SHC1: variants seen among roughly 807,000 people sequenced by gnomAD.
SHC1 encodes SHC-transforming protein 1.
In SHC1, 30 loss-of-function variants were observed where a neutral mutation model predicts 55.9. That is an observed-to-expected ratio of 0.54 (90% CI 0.40 to 0.73). SHC1 has a LOEUF of 0.73. Ranked by LOEUF, SHC1 falls within the 30% of genes least tolerant of loss-of-function variation. SHC1 has a pLI of 0.00. For missense variants in SHC1, 675 were observed against 777.1 expected (o/e 0.87, Z 1.56); for synonymous variants, 309 against 306.1 (o/e 1.01, Z -0.10).
intron 11 of SHC1, 89 bp downstream of exon 11, chr1:154,965,454 C>G: frequency 6.2e-7 from 1 of 1,613,254 alleles, no homozygotes; most frequent in Non-Finnish European, 8.5e-7. Flanking sequence ...GGAATGTCTA[C>G]AAAGCAATGA....
At position 154,965,730 on chromosome 1, in the gene SHC1, A is replaced by G; in HGVS notation, c.1439T>C (p.Met480Thr). 6.2e-7 allele frequency: 1 copy of G among 1,614,166 alleles called. No individual in the cohort carries two copies. Among genetic ancestry groups the G allele is most frequent in the Non-Finnish European group, 8.5e-7 (1 of 1,180,020 alleles). ...GGGCTCCCCTCGGAGCTGCTCAGCC[A>G]TGGACACCGACTGGGGAGGTGGAGG... ...RVPPPPQSVSMAEQLRGEPWF... is the reference protein window; with the variant it reads ...RVPPPPQSVSTAEQLRGEPWF... Residue 480 changes from methionine (M) to threonine (T), a missense_variant, in exon 11 of 12, where the codon ATG (methionine) becomes ACG (threonine). Coordinates refer to ENST00000448116, the MANE Select transcript of SHC1 (RefSeq NM_001130040.2).
chr1:154,974,076 A>C (rs1657018338), upstream of SHC1, among the ~76,000 whole-genome samples: 2 of 152,082 alleles, frequency 1.3e-5, no homozygotes, highest in African/African-American at 4.8e-5. Flanking sequence ...GGAGACAAAA[A>C]ATAAAAATCA....
At position 154,964,356 on chromosome 1, in the gene SHC1, C is replaced by T. The variant is rs550644251; in HGVS notation, c.1627-425G>A. On this transcript the variant is annotated intron_variant, in intron 11 of 11. Transcript: ENST00000448116. ...TTCAAGAACAGCTTGGGCAACATGGCGAAACCCCATCTCTACCAAAAAAAA... is the reference window on the plus strand; with the variant it reads ...TTCAAGAACAGCTTGGGCAACATGGTGAAACCCCATCTCTACCAAAAAAAA... 38 of 444,152 alleles carry T rather than the reference C, an allele frequency of 8.6e-5. 1 individual carries two copies. Among genetic ancestry groups the T allele is most frequent in the South Asian group, 4.7e-4 (29 of 62,320 alleles). 27.5% of individuals were successfully genotyped at this position (444,152 alleles called of 1,614,324 possible). A position where few individuals can be genotyped will look rare whatever the true frequency, so the allele number is the denominator to read the frequency against.
At chr1:154,971,571 G>A (rs973003954), upstream of SHC1, among the ~76,000 whole-genome samples, 2 of 152,208 alleles carry the variant, frequency 1.3e-5, no homozygotes. Context: ...TCAAGGGTGA[G>A]AATGAGGCAA....
upstream of SHC1, among the ~76,000 whole-genome samples, chr1:154,972,836 G>A (rs1656871021): frequency 6.6e-6 from 1 of 152,024 alleles, no homozygotes; most frequent in Non-Finnish European, 1.5e-5. Flanking sequence ...GGGCAAACGG[G>A]GCCAGGAGGA....
intron 11 of SHC1, chr1:154,964,512 G>A: frequency 2.8e-6 from 1 of 355,590 alleles, no homozygotes; most frequent in Non-Finnish European, 5.5e-6. Context: ...TTTCCAGACA[G>A]GGTCTCTGTC....
upstream of SHC1, among the ~76,000 whole-genome samples, chr1:154,973,888 G>A (rs1248417158): frequency 6.6e-6 from 1 of 152,164 alleles, no homozygotes; most frequent in Non-Finnish European, 1.5e-5. Context: ...ATCGTTCTTT[G>A]AAGAGCAGGG....
intron 1 of SHC1, 94 bp downstream of exon 1, chr1:154,969,938 G>A: frequency 7.3e-7 from 1 of 1,367,992 alleles, no homozygotes; most frequent in East Asian, 2.3e-5. Context: ...GGTTGTTGGG[G>A]AACAGCAGGA....
In SHC1 at chr1:154,969,952, A is replaced by G. The variant is rs555848710; in HGVS notation, c.495+80T>C. The G allele has an allele frequency of 5.3e-5, 79 of 1,500,834 alleles. No individual in the cohort carries two copies. The African/African-American group carries it at 8.3e-4, about 16-fold the overall frequency. The allele number at this position is 1,500,834 out of a possible 1,614,324, so 93.0% of individuals were successfully genotyped here. A position where few individuals can be genotyped will look rare whatever the true frequency, so the allele number is the denominator to read the frequency against. On this transcript the variant is annotated intron_variant, in intron 1 of 11. Transcript: ENST00000448116. ...GGGTTGTTGGGGAACAGCAGGAAAAAAGAGATTCCGGCCAAGCTGGAGTGA... is the reference window on the plus strand; with the variant it reads ...GGGTTGTTGGGGAACAGCAGGAAAAGAGAGATTCCGGCCAAGCTGGAGTGA...
chr1:154,965,359 A>G, intron 11 of SHC1, 184 bp downstream of exon 11: 2 of 1,581,336 alleles, frequency 1.3e-6, no homozygotes, highest in Non-Finnish European at 1.7e-6. Flanking sequence ...TATAAAGAAC[A>G]TAGTTCAGGC....
At position 154,963,807 on chromosome 1, in the gene SHC1, A is replaced by G. The variant is rs1397734362; in HGVS notation, c.1751T>C (p.Leu584Pro). 6.2e-7 allele frequency: 1 copy of G among 1,613,734 alleles called. No homozygotes were observed. The highest frequency in any genetic ancestry group is 1.7e-5 in the Admixed American group (1 of 60,002). ...LCLQQPVERK[L>P] ...GGAAGAGAGCGCTAGGGCAGATCACAGTTTCCGCTCCACAGGTTGCTGTAG... is the reference window on the plus strand; with the variant it reads ...GGAAGAGAGCGCTAGGGCAGATCACGGTTTCCGCTCCACAGGTTGCTGTAG... The change falls in exon 12 of 12, where the codon CTG (leucine) becomes CCG (proline). Residue 584 changes from leucine (L) to proline (P), a missense_variant. Physicochemically the swap from Leu to Pro is moderately conservative, Grantham distance 98. This residue lies in a region of SHC1 where 360 missense variants were observed against 371.1 expected (regional missense o/e 0.97). Transcript: ENST00000448116.
chr1:154,970,598 G>T lies in SHC1; in HGVS notation c.-72C>A. On this transcript the variant is annotated 5_prime_UTR_variant, in exon 1 of 12. Transcript: ENST00000448116. The surrounding 1 kb of genome is among the most constrained non-coding windows in gnomAD (Gnocchi z 5.5). The stretch of plus-strand genomic sequence containing the variant: ...GTTTGGGCAAGGGGGCCAGGCAGGG[G>T]GTATCCCCAGGCCCTTAGCCTGGTT... 2 of 1,011,854 alleles carry T rather than the reference G, an allele frequency of 2.0e-6. No homozygotes were observed. Among genetic ancestry groups the T allele is most frequent in the Non-Finnish European group, 3.0e-6 (2 of 675,724 alleles). 62.7% of individuals were successfully genotyped at this position (1,011,854 alleles called of 1,614,324 possible). A position where few individuals can be genotyped will look rare whatever the true frequency, so the allele number is the denominator to read the frequency against.
At chr1:154,968,299 T>C (rs1656275522) in intron 4 of SHC1, 42 bp from the exon 5 acceptor site, 1 of 1,605,256 alleles carries the variant, frequency 6.2e-7, no homozygotes, top group East Asian at 2.2e-5. Flanking sequence ...GGGAATGCCA[T>C]GTGTCAGGCA....
chr1:154,972,487 T>C (rs1359134053), upstream of SHC1, among the ~76,000 whole-genome samples: 3 of 152,128 alleles, frequency 2.0e-5, no homozygotes, highest in East Asian at 5.8e-4. Flanking sequence ...CTCTCGGGCA[T>C]AGAGAGAATG....
At position 154,970,193 on chromosome 1, in the gene SHC1, T is replaced by C; in HGVS notation, c.334A>G (p.Asn112Asp). ...CGCCCGCCGCCTCCACTCAGCTTGTTCATGTCCTGGAGGAGGGGTAGGGGG... is the reference window on the plus strand; with the variant it reads ...CGCCCGCCGCCTCCACTCAGCTTGTCCATGTCCTGGAGGAGGGGTAGGGGG... ...SGPLPLLQDM[N>D]KLSGGGGRRT... The change falls in exon 1 of 12, where the codon AAC becomes GAC. Residue 112 changes from asparagine to aspartate, a missense_variant. Coordinates refer to ENST00000448116, the MANE Select transcript of SHC1 (RefSeq NM_001130040.2). This position sits in a 1 kb window ranked among gnomAD's most constrained non-coding sequence, Gnocchi z 5.5. 2 of 1,613,806 alleles carry C rather than the reference T, an allele frequency of 1.2e-6. No individual in the cohort carries two copies. Among genetic ancestry groups the C allele is most frequent in the South Asian group, 2.2e-5 (2 of 91,074 alleles).
At chr1:154,965,369 C>A in intron 11 of SHC1, 174 bp downstream of exon 11, 1 of 1,594,460 alleles carries the variant, frequency 6.3e-7, no homozygotes, top group Non-Finnish European at 8.5e-7. Context: ...ATAGTTCAGG[C>A]TAAGGGATGA....
chr1:154,971,506 A>G (rs1003512542), upstream of SHC1, among the ~76,000 whole-genome samples: 3 of 152,196 alleles, frequency 2.0e-5, no homozygotes, highest in Admixed American at 2.0e-4. Flanking sequence ...GATGGCTCAT[A>G]GCCAAGCACT....
At position 154,962,484 on chromosome 1, in the gene SHC1, G is replaced by A. The variant is rs1655442890; in HGVS notation, c.*1319C>T. 6.6e-6 allele frequency: 1 copy of A among 152,648 alleles called. No individual in the cohort carries two copies. Among genetic ancestry groups the A allele is most frequent in the South Asian group, 2.1e-4 (1 of 4,834 alleles). The allele number at this position is 152,648 out of a possible 1,614,324, so 9.5% of individuals were successfully genotyped here. A position where few individuals can be genotyped will look rare whatever the true frequency, so the allele number is the denominator to read the frequency against. ...GGGCCTAGGCTGGGCCGGGCCTGTAGAAGGTACTCAGGAACTGCAGGTTTT... is the reference window on the plus strand; with the variant it reads ...GGGCCTAGGCTGGGCCGGGCCTGTAAAAGGTACTCAGGAACTGCAGGTTTT... On this transcript the variant is annotated 3_prime_UTR_variant, in exon 12 of 12. Coordinates refer to ENST00000448116, the MANE Select transcript of SHC1 (RefSeq NM_001130040.2).
chr1:154,965,682 C>T lies in SHC1; in HGVS notation c.1487G>A (p.Arg496Gln). The T allele has an allele frequency of 2.5e-6, 4 of 1,614,200 alleles. No homozygotes were observed. The highest frequency in any genetic ancestry group is 2.5e-6 in the Non-Finnish European group (3 of 1,180,036). The change falls in exon 11 of 12, where the codon CGG becomes CAG. Residue 496 changes from arginine (R) to glutamine (Q), a missense_variant. By Grantham distance (43) the Arg-to-Gln change is conservative (BLOSUM62 1). Coordinates refer to ENST00000448116, the MANE Select transcript of SHC1 (RefSeq NM_001130040.2). The part of the protein sequence containing the change: ...GEPWFHGKLS[R>Q]REAEALLQLN... ...CTGCAGCAGTGCCTCAGCCTCCCGCCGGCTCAGCTTCCCATGGAACCAGGG... is the reference window on the plus strand; with the variant it reads ...CTGCAGCAGTGCCTCAGCCTCCCGCTGGCTCAGCTTCCCATGGAACCAGGG...
Sources: allele counts gnomAD v4.1 joint callset (sites outside exome capture counted in the v4.1 genomes callset), GRCh38; gene constraint gnomAD v4.1.1; regional missense constraint gnomAD v4.1.1; non-coding constraint Gnocchi (gnomAD v3.1); transcripts MANE v1.5; gene names NCBI Gene and HGNC (gene_info 2026-07-23, HGNC 2026-07-21).